Variants in ZNF736 observed in about 807,000 individuals in gnomAD.
ZNF736 encodes the protein zinc finger protein 736, also known as KRAB-containing zinc-finger repressor protein.
In ZNF736, 6 loss-of-function variants were observed where a neutral mutation model predicts 11.7. The observed-to-expected ratio is 0.51, with a 90% confidence interval of 0.28 to 1.01. The LOEUF is 1.01. Ranked by LOEUF, ZNF736 falls within the 50% of genes least tolerant of loss-of-function variation. The probability of loss-of-function intolerance (pLI) is 0.09; values close to 1 mark genes in which losing one functional copy is unlikely to be tolerated. For synonymous variants in ZNF736, 139 were observed against 164.7 expected (o/e 0.84, Z 1.19); for missense variants, 444 against 496.0 (o/e 0.90, Z 1.00).
At chr7:64,342,390 A>G (rs1241070839) in intron 3 of ZNF736, among the ~76,000 whole-genome samples, 3 of 152,186 alleles carry the variant, frequency 2.0e-5, no homozygotes, top group African/African-American at 7.2e-5. Flanking sequence ...CTTCAAAAGT[A>G]TATTTTTCTT....
rs999093030 is a variant in ZNF736, at chr7:64,351,684, T to C, written c.*2537T>C. 9.2e-5 allele frequency: 14 copies of C among 152,366 alleles called. No individual in the cohort carries two copies. Among genetic ancestry groups the C allele is most frequent in the African/African-American group, 3.4e-4 (14 of 41,564 alleles). 9.4% of individuals were successfully genotyped at this position (152,366 alleles called of 1,614,324 possible). A position where few individuals can be genotyped will look rare whatever the true frequency, so the allele number is the denominator to read the frequency against. On this transcript the variant is annotated 3_prime_UTR_variant, in exon 4 of 4. Coordinates refer to ENST00000423484, the MANE Select transcript of ZNF736 (RefSeq NM_001170905.3). ...TTGAGCCTAGAGAAATGGCCATCAC[T>C]GGCCACACTTTACTACAGATGCTCT...
chr7:64,325,165 T>G (rs569277400), intron 1 of ZNF736, among the ~76,000 whole-genome samples: 176 of 89,910 alleles, frequency 2.0e-3, no homozygotes, highest in African/African-American at 5.1e-3. Flanking sequence ...AAAAACCAGT[T>G]GTAAAAAAAA....
At chr7:64,337,741 GTTTTGTTTTTTTTGGTTT>G (rs1789274783) in intron 3 of ZNF736, among the ~76,000 whole-genome samples, 1 of 69,248 alleles carries the variant, frequency 1.4e-5, no homozygotes, top group African/African-American at 4.3e-5. Flanking sequence ...GTTTTGTTTT[GTTTTGTTTTTTTTGGTTT>G]TTTTTTTTTT....
intron 1 of ZNF736, among the ~76,000 whole-genome samples, chr7:64,322,567 G>A (rs1349681720): frequency 6.6e-6 from 1 of 152,148 alleles, no homozygotes; most frequent in Non-Finnish European, 1.5e-5. Context: ...TTACGGCTGA[G>A]AATGTGACAA....
intron 3 of ZNF736, among the ~76,000 whole-genome samples, chr7:64,337,750 T>TG (rs528238796): frequency 0.39 from 33,505 of 85,406 alleles, 4,307 homozygotes; most frequent in Non-Finnish European, 0.43. Flanking sequence ...TGTTTTGTTT[T>TG]TTTTGGTTTT....
In ZNF736 at chr7:64,338,815, A is replaced by G. The variant is rs189353262; in HGVS notation, c.226+1833A>G. Among the ~76,000 whole-genome samples the G allele has an allele frequency of 1.8e-3, 276 of 151,682 alleles. 3 individuals carry two copies. The highest frequency in any genetic ancestry group is 2.7e-3 in the Non-Finnish European group (182 of 67,948). ...TTTCAATGAACATGGAGGTGCAGGT[A>G]TTTCTTTGAGATAGTAAATTTATTG... On this transcript the variant is annotated intron_variant, in intron 3 of 3. Coordinates refer to ENST00000423484, the MANE Select transcript of ZNF736 (RefSeq NM_001170905.3).
chr7:64,319,654 C>T (rs1402134806), intron 1 of ZNF736, among the ~76,000 whole-genome samples: 1 of 150,994 alleles, frequency 6.6e-6, no homozygotes, highest in Non-Finnish European at 1.5e-5. Flanking sequence ...TGCCACCACG[C>T]CTGGCTAATT....
chr7:64,330,919 C>T lies in ZNF736; in HGVS notation c.4-5340C>T, dbSNP rs117832077. Among the ~76,000 whole-genome samples, 262 of 152,314 alleles carry T rather than the reference C, an allele frequency of 1.7e-3. 4 individuals are homozygous for T. In the East Asian group the frequency reaches 0.024, roughly 14 times the overall value. ...TTCTACTGTGGCTGAGATGATGTCCCAATTGCAGGACAAAGTTTTTATTAA... is the reference window on the plus strand; with the variant it reads ...TTCTACTGTGGCTGAGATGATGTCCTAATTGCAGGACAAAGTTTTTATTAA... On this transcript the variant is annotated intron_variant, in intron 1 of 3. Coordinates refer to ENST00000423484, the MANE Select transcript of ZNF736 (RefSeq NM_001170905.3).
intron 1 of ZNF736, among the ~76,000 whole-genome samples, chr7:64,319,105 G>A (rs9647726): frequency 0.98 from 148,220 of 151,944 alleles, 72,370 homozygotes; most frequent in Non-Finnish European, 1. Context: ...GTTTTCCAAA[G>A]AGCCAGTAAA....
At chr7:64,345,459 G>A (rs1192844426) in intron 3 of ZNF736, among the ~76,000 whole-genome samples, 7 of 151,718 alleles carry the variant, frequency 4.6e-5, no homozygotes, top group Non-Finnish European at 7.4e-5. Context: ...GGTTGGGTGC[G>A]GTGGCTCATG....
chr7:64,346,115 T>C (rs561594772), intron 3 of ZNF736, among the ~76,000 whole-genome samples: 1 of 152,348 alleles, frequency 6.6e-6, no homozygotes, highest in Non-Finnish European at 1.5e-5. Flanking sequence ...CCGTCAATGT[T>C]TGCTTTATGT....
Position 64,320,702 on chromosome 7 carries a change from G to GT in ZNF736, c.3+6558dup, listed in dbSNP as rs932497558. On this transcript the variant is annotated intron_variant, in intron 1 of 3. Coordinates refer to ENST00000423484, the MANE Select transcript of ZNF736 (RefSeq NM_001170905.3). The stretch of plus-strand genomic sequence containing the variant: ...AACAGGCATTTTGAACATTTAAAAG[G>GT]TTTTTTTTTGAGGAAGTGAAAGAGC... Among the ~76,000 whole-genome samples, 126 of 151,398 alleles carry GT rather than the reference G, an allele frequency of 8.3e-4. 1 individual carries two copies. Among genetic ancestry groups the GT allele is most frequent in the African/African-American group, 2.5e-3 (104 of 41,300 alleles).
chr7:64,315,826 CACATTAT>C (rs1788908494), intron 1 of ZNF736, among the ~76,000 whole-genome samples: 1 of 152,186 alleles, frequency 6.6e-6, no homozygotes, highest in East Asian at 1.9e-4. Flanking sequence ...CTCTCCAAAT[CACATTAT>C]GAACTATCAG....
chr7:64,341,044 A>G lies in ZNF736; in HGVS notation c.226+4062A>G, dbSNP rs1234959435. On this transcript the variant is annotated intron_variant, in intron 3 of 3. Transcript: ENST00000423484. ...GATGTTTTTCAACTTTTTTTGTTTT[A>G]TTTTTTCATGACTCAATGTTTATAA... Among the ~76,000 whole-genome samples the G allele has an allele frequency of 4.0e-5, 6 of 151,110 alleles. No individual in the cohort carries two copies. The South Asian group carries it at 1.0e-3, about 26-fold the overall frequency.
chr7:64,339,028 T>C (rs1480406486), intron 3 of ZNF736, among the ~76,000 whole-genome samples: 1 of 152,170 alleles, frequency 6.6e-6, no homozygotes, highest in African/African-American at 2.4e-5. Flanking sequence ...CTAACAGGTA[T>C]AAAGTAATAT....
At chr7:64,342,827 C>T (rs994482421) in intron 3 of ZNF736, among the ~76,000 whole-genome samples, 1 of 152,016 alleles carries the variant, frequency 6.6e-6, no homozygotes, top group Admixed American at 6.5e-5. Context: ...TTTTCATCAA[C>T]TTTTCTCAAA....
rs1789436374 is a variant in ZNF736, at chr7:64,348,173, G to A, written c.310G>A (p.Gly104Arg). ...TCAAAAAGTGATTCTGAGAAAATAT[G>A]GAAGCTGTGACCTTAATAATTTACA... Reference protein sequence around the residue: ...SFQKVILRKYGSCDLNNLHLK... With the variant: ...SFQKVILRKYRSCDLNNLHLK... Residue 104 changes from glycine to arginine, a missense_variant, in exon 4 of 4, where the codon GGA (glycine) becomes AGA (arginine). Coordinates refer to ENST00000423484, the MANE Select transcript of ZNF736 (RefSeq NM_001170905.3). The A allele has an allele frequency of 5.2e-6, 8 of 1,550,282 alleles. No homozygotes were observed. The highest frequency in any genetic ancestry group is 1.2e-5 in the South Asian group (1 of 83,712).
At chr7:64,336,628 T>C (rs1413135348) in intron 2 of ZNF736, among the ~76,000 whole-genome samples, 1 of 152,188 alleles carries the variant, frequency 6.6e-6, no homozygotes, top group Non-Finnish European at 1.5e-5. Context: ...AGAAATTTAG[T>C]AGCATAAAAT....
chr7:64,343,553 C>G (rs548861103), intron 3 of ZNF736, among the ~76,000 whole-genome samples: 6 of 152,212 alleles, frequency 3.9e-5, no homozygotes, highest in African/African-American at 1.4e-4. Context: ...GGCCTCTGAA[C>G]CTATAGGAAA....
Sources: allele counts gnomAD v4.1 joint callset (sites outside exome capture counted in the v4.1 genomes callset), GRCh38; gene constraint gnomAD v4.1.1; transcripts MANE v1.5; gene names NCBI Gene and HGNC (gene_info 2026-07-23, HGNC 2026-07-21).